The following CAMK1D variants were observed in gnomAD, a reference collection of about 807,000 sequenced individuals.
The protein encoded by CAMK1D is calcium/calmodulin dependent protein kinase ID.
CAMK1D carries 9 observed loss-of-function variants against 47.7 expected under a neutral mutation model. The observed-to-expected ratio is 0.19, with a 90% CI of 0.11 to 0.33. The LOEUF is 0.33. Among genes scored for constraint, CAMK1D ranks in the 10% least tolerant of loss-of-function variants. CAMK1D has a pLI of 1.00. For missense variants in CAMK1D, 291 were observed against 488.7 expected (o/e 0.60, Z 3.81); for synonymous variants, 184 against 184.9 (o/e 0.99, Z 0.04).
At chr10:12,628,393 C>A (rs902445697) in intron 2 of CAMK1D, among the ~76,000 whole-genome samples, 7 of 152,148 alleles carry the variant, frequency 4.6e-5, no homozygotes, top group African/African-American at 1.7e-4. Context: ...TCATGGCTCA[C>A]TGTGTGTGTG....
intron 2 of CAMK1D, among the ~76,000 whole-genome samples, chr10:12,578,977 A>G (rs1307170823): frequency 6.6e-6 from 1 of 152,146 alleles, no homozygotes; most frequent in African/African-American, 2.4e-5. Flanking sequence ...GGGTGCCCAG[A>G]GGCACGAGCA....
intron 8 of CAMK1D, among the ~76,000 whole-genome samples, chr10:12,821,901 A>G (rs777226677): frequency 6.6e-6 from 1 of 152,090 alleles, no homozygotes; most frequent in Non-Finnish European, 1.5e-5. Context: ...CTTGAACCCA[A>G]AGGCGGAGGT....
At position 12,512,684 on chromosome 10, in the gene CAMK1D, C is replaced by T. The variant is rs150150151; in HGVS notation, c.93-40541C>T. ...GTGCCCCTTTGTAGCTGTCATCAAG[C>T]CTGGGAGTGTGGCACAGTGGATGGT... On this transcript the variant is annotated intron_variant, in intron 1 of 10. Coordinates refer to ENST00000619168, the MANE Select transcript of CAMK1D (RefSeq NM_153498.4). Among the ~76,000 whole-genome samples, 361 of 152,260 alleles carry T rather than the reference C, an allele frequency of 2.4e-3. 4 individuals carry two copies. The highest frequency in any genetic ancestry group is 8.2e-3 in the African/African-American group (340 of 41,534).
intron 1 of CAMK1D, among the ~76,000 whole-genome samples, chr10:12,533,455 T>C (rs1246403425): frequency 6.6e-6 from 1 of 152,230 alleles, no homozygotes; most frequent in African/African-American, 2.4e-5. Flanking sequence ...GTTTATCCTT[T>C]TAAAGGATAA....
chr10:12,372,637 G>A (rs748818818), intron 1 of CAMK1D, among the ~76,000 whole-genome samples: 6 of 152,140 alleles, frequency 3.9e-5, no homozygotes, highest in Admixed American at 1.3e-4. Flanking sequence ...TTAATTAATC[G>A]AGACAGGGTC....
At chr10:12,605,337 AGTGT>A (rs112178502) in intron 2 of CAMK1D, among the ~76,000 whole-genome samples, 23 of 145,100 alleles carry the variant, frequency 1.6e-4, no homozygotes, top group African/African-American at 5.1e-4. Flanking sequence ...AAACCATTCA[AGTGT>A]GTGTGTGTGT....
chr10:12,485,511 G>A (rs1272796029), intron 1 of CAMK1D, among the ~76,000 whole-genome samples: 2 of 152,196 alleles, frequency 1.3e-5, no homozygotes, highest in Non-Finnish European at 2.9e-5. Flanking sequence ...GAGGAGAGGG[G>A]AGGGCTGGTC....
At chr10:12,456,683 C>T (rs1235654635) in intron 1 of CAMK1D, 1 of 140,484 alleles carries the variant, frequency 7.1e-6, no homozygotes, top group Non-Finnish European at 1.5e-5. Context: ...GGGAGGATCA[C>T]TTGAGCCCAG....
At chr10:12,577,794 C>G (rs1362104010) in intron 2 of CAMK1D, among the ~76,000 whole-genome samples, 3 of 152,186 alleles carry the variant, frequency 2.0e-5, no homozygotes, top group Non-Finnish European at 4.4e-5. Flanking sequence ...CTCAGCCCCT[C>G]CAAGATTATG....
intron 1 of CAMK1D, among the ~76,000 whole-genome samples, chr10:12,407,696 C>G (rs1484989260): frequency 6.6e-6 from 1 of 152,152 alleles, no homozygotes; most frequent in African/African-American, 2.4e-5. Context: ...TTTCCCATTT[C>G]CAGCTGTGGT....
intron 1 of CAMK1D, among the ~76,000 whole-genome samples, chr10:12,462,389 C>T (rs1479856916): frequency 1.3e-5 from 2 of 151,916 alleles, no homozygotes; most frequent in African/African-American, 4.8e-5. Context: ...TGGTCTCCAT[C>T]TCTTGACCTT....
At chr10:12,395,292 A>G (rs868567465) in intron 1 of CAMK1D, among the ~76,000 whole-genome samples, 1 of 151,442 alleles carries the variant, frequency 6.6e-6, no homozygotes, top group Non-Finnish European at 1.5e-5. Context: ...GCCTCAAGTG[A>G]TCCCCTTGAC....
chr10:12,516,609 C>T (rs1169437070), intron 1 of CAMK1D, among the ~76,000 whole-genome samples: 2 of 152,160 alleles, frequency 1.3e-5, no homozygotes, highest in Non-Finnish European at 1.5e-5. Flanking sequence ...GCACCAGCAG[C>T]GTATCATGAT....
chr10:12,552,805 G>C (rs540179801), intron 1 of CAMK1D, among the ~76,000 whole-genome samples: 1 of 152,110 alleles, frequency 6.6e-6, no homozygotes, highest in Non-Finnish European at 1.5e-5. Flanking sequence ...GCAGCGACAC[G>C]ATCTCGGCTC....
intron 6 of CAMK1D, among the ~76,000 whole-genome samples, chr10:12,798,044 C>T (rs544456625): frequency 6.6e-6 from 1 of 152,336 alleles, no homozygotes; most frequent in East Asian, 1.9e-4. Context: ...GCACCAACTT[C>T]TGTGGCTTTG....
At chr10:12,757,300 T>C (rs1836275381) in intron 3 of CAMK1D, among the ~76,000 whole-genome samples, 1 of 152,180 alleles carries the variant, frequency 6.6e-6, no homozygotes, top group Non-Finnish European at 1.5e-5. Flanking sequence ...TTTATTGATA[T>C]ATTACTGTGA....
chr10:12,410,854 A>G (rs1839632261), intron 1 of CAMK1D, among the ~76,000 whole-genome samples: 1 of 151,744 alleles, frequency 6.6e-6, no homozygotes, highest in Admixed American at 6.6e-5. Flanking sequence ...TCTTTTATTG[A>G]TTAATTTTAG....
intron 3 of CAMK1D, among the ~76,000 whole-genome samples, chr10:12,737,859 C>G (rs1407640850): frequency 6.6e-6 from 1 of 152,040 alleles, no homozygotes; most frequent in Non-Finnish European, 1.5e-5. Context: ...AACTCATATT[C>G]CAGTTGTATA....
In CAMK1D at chr10:12,589,014, A is replaced by G. The variant is rs138988328; in HGVS notation, c.224+35658A>G. Among the ~76,000 whole-genome samples, 771 of 152,070 alleles carry G rather than the reference A, an allele frequency of 5.1e-3. 7 individuals carry two copies. Among genetic ancestry groups the G allele is most frequent in the African/African-American group, 0.016 (683 of 41,486 alleles). On this transcript the variant is annotated intron_variant, in intron 2 of 10. Coordinates refer to ENST00000619168, the MANE Select transcript of CAMK1D (RefSeq NM_153498.4). ...ATAAAGGGACACATTATATACACAC[A>G]TATTTGAGACAGGGTCTTGCCCTGT...
Sources: allele counts gnomAD v4.1 joint callset (sites outside exome capture counted in the v4.1 genomes callset), GRCh38; gene constraint gnomAD v4.1.1; transcripts MANE v1.5; gene names NCBI Gene and HGNC (gene_info 2026-07-23, HGNC 2026-07-21).